Variants in LTBP1 observed in about 807,000 individuals in gnomAD.
The protein encoded by LTBP1 is latent transforming growth factor beta binding protein 1.
A neutral mutation model predicts 207.6 loss-of-function variants in LTBP1; 129 were observed. The observed-to-expected ratio is 0.62, with a 90% confidence interval of 0.54 to 0.72. LTBP1 has a LOEUF of 0.72. Among genes scored for constraint, LTBP1 ranks in the 30% least tolerant of loss-of-function variants. The probability of loss-of-function intolerance (pLI) is 0.00; values close to 1 mark genes in which losing one functional copy is unlikely to be tolerated. For synonymous variants in LTBP1, 963 were observed against 833.7 expected (o/e 1.16, Z -2.67); for missense variants, 2,281 against 2,217.2 (o/e 1.03, Z -0.58).
chr2:33,300,479 A>T lies in LTBP1; in HGVS notation c.3264A>T (p.Leu1088=). The T allele has an allele frequency of 6.2e-7, 1 of 1,613,588 alleles. No homozygotes were observed. The highest frequency in any genetic ancestry group is 2.2e-5 in the East Asian group (1 of 44,840). The part of the protein sequence containing the change: ...RDIDECQQGN[L]CVNGQCKNTE... ...TTGATGAATGTCAGCAAGGGAATCT[A>T]TGTGTAAACGGGCAGTGCAAAAATA... Residue 1088 remains leucine (L), a synonymous_variant, in exon 21 of 34, where the codon CTA becomes CTT. Coordinates refer to ENST00000404816, the MANE Select transcript of LTBP1 (RefSeq NM_206943.4).
intron 5 of LTBP1, among the ~76,000 whole-genome samples, chr2:33,155,919 A>C (rs989996757): frequency 5.9e-5 from 9 of 152,226 alleles, no homozygotes; most frequent in Admixed American, 3.9e-4. Context: ...CAGCTGTGAT[A>C]CTTCCCTTCA....
At chr2:33,369,788 A>G (rs143082614) in intron 31 of LTBP1, among the ~76,000 whole-genome samples, 1 of 152,318 alleles carries the variant, frequency 6.6e-6, no homozygotes, top group Non-Finnish European at 1.5e-5. Context: ...CTTATGGATC[A>G]TCTATTCTGA....
At chr2:33,077,092 A>T (rs1440205609) in intron 3 of LTBP1, among the ~76,000 whole-genome samples, 2 of 152,182 alleles carry the variant, frequency 1.3e-5, no homozygotes, top group Non-Finnish European at 2.9e-5. Context: ...CTAAAAGAGG[A>T]CACTGTCAGA....
chr2:33,035,883 A>G (rs114960227), intron 3 of LTBP1, among the ~76,000 whole-genome samples: 1 of 152,258 alleles, frequency 6.6e-6, no homozygotes, highest in Non-Finnish European at 1.5e-5. Flanking sequence ...AGCTGAAGAA[A>G]TAAAAACACT....
intron 4 of LTBP1, among the ~76,000 whole-genome samples, chr2:33,133,236 T>C (rs1203325008): frequency 1.3e-5 from 2 of 152,216 alleles, no homozygotes; most frequent in South Asian, 2.1e-4. Context: ...GAGGGTCTTA[T>C]AGAGGCATCT....
chr2:33,093,817 A>G (rs1281951034), intron 3 of LTBP1, among the ~76,000 whole-genome samples: 1 of 151,918 alleles, frequency 6.6e-6, no homozygotes, highest in Admixed American at 6.6e-5. Flanking sequence ...GATGATTATC[A>G]TCATCATCAT....
chr2:33,086,103 C>T (rs552363025), intron 3 of LTBP1, among the ~76,000 whole-genome samples: 16 of 152,314 alleles, frequency 1.1e-4, no homozygotes, highest in Admixed American at 6.5e-4. Context: ...GCTCTAAGTG[C>T]TGTATGTGTA....
chr2:33,109,560 A>G (rs572446498), intron 3 of LTBP1, among the ~76,000 whole-genome samples: 1 of 152,346 alleles, frequency 6.6e-6, no homozygotes, highest in African/African-American at 2.4e-5. Context: ...GAGAATTGTC[A>G]CAGAAAACAA....
At chr2:33,053,944 G>T (rs745553859) in intron 3 of LTBP1, among the ~76,000 whole-genome samples, 4 of 152,208 alleles carry the variant, frequency 2.6e-5, no homozygotes, top group Non-Finnish European at 4.4e-5. Flanking sequence ...GCCAGTGCCT[G>T]ACCAAATAAC....
intron 19 of LTBP1, among the ~76,000 whole-genome samples, chr2:33,285,035 C>CT (rs934497674): frequency 0.045 from 5,351 of 120,096 alleles, 253 homozygotes; most frequent in East Asian, 0.17. Flanking sequence ...GTATCACATT[C>CT]TTTTTTTTTT....
intron 7 of LTBP1, among the ~76,000 whole-genome samples, chr2:33,202,787 C>T (rs1394663997): frequency 6.6e-6 from 1 of 152,218 alleles, no homozygotes; most frequent in Non-Finnish European, 1.5e-5. Context: ...GGATAGGGCC[C>T]TCCCAGGTGA....
chr2:33,080,465 A>G (rs918732814), intron 3 of LTBP1, among the ~76,000 whole-genome samples: 1 of 152,144 alleles, frequency 6.6e-6, no homozygotes, highest in Admixed American at 6.5e-5. Context: ...TTCTTTTTAT[A>G]ATATCTGTGT....
intron 5 of LTBP1, among the ~76,000 whole-genome samples, chr2:33,176,940 G>A (rs1468782582): frequency 6.6e-6 from 1 of 152,164 alleles, no homozygotes; most frequent in Non-Finnish European, 1.5e-5. Flanking sequence ...CCTGCTATGT[G>A]CTGAGTTCTG....
At chr2:33,346,881 C>T (rs547485279) in intron 25 of LTBP1, among the ~76,000 whole-genome samples, 56 of 152,116 alleles carry the variant, frequency 3.7e-4, no homozygotes, top group African/African-American at 1.3e-3. Flanking sequence ...CTTTTGGAGG[C>T]CGAGGTGGGC....
At position 33,259,572 on chromosome 2, in the gene LTBP1, T is replaced by C; in HGVS notation, c.2396-16T>C. The C allele has an allele frequency of 6.3e-7, 1 of 1,597,818 alleles. No individual in the cohort carries two copies. Among genetic ancestry groups the C allele is most frequent in the Non-Finnish European group, 8.5e-7 (1 of 1,171,936 alleles). The stretch of plus-strand genomic sequence containing the variant: ...TCTTAAATGGTACTAATACCCTTTT[T>C]CTTTTCTGGTTTTAGTGGCAACTGC... On this transcript the variant is annotated splice_polypyrimidine_tract_variant and intron_variant, in intron 12 of 33. Transcript: ENST00000404816.
At chr2:33,254,139 C>T (rs2092762040) in intron 11 of LTBP1, among the ~76,000 whole-genome samples, 1 of 151,888 alleles carries the variant, frequency 6.6e-6, no homozygotes, top group African/African-American at 2.4e-5. Context: ...GCCTCAGCCT[C>T]CCAAAGTGCT....
chr2:32,981,213 G>C (rs1682715086), intron 2 of LTBP1, among the ~76,000 whole-genome samples: 1 of 152,080 alleles, frequency 6.6e-6, no homozygotes. Context: ...GTAACTCTTA[G>C]ATTTGCCCCA....
intron 2 of LTBP1, among the ~76,000 whole-genome samples, chr2:33,019,328 CTTTTTTTTTT>C (rs58570641): frequency 5.7e-5 from 5 of 87,672 alleles, no homozygotes; most frequent in Admixed American, 1.4e-4. Flanking sequence ...ATGTACACTT[CTTTTTTTTTT>C]TTTTTTTTTT....
At chr2:33,148,539 C>A (rs908938152) in intron 5 of LTBP1, among the ~76,000 whole-genome samples, 3 of 152,154 alleles carry the variant, frequency 2.0e-5, no homozygotes, top group Non-Finnish European at 1.5e-5. Context: ...TTCTGTGTGT[C>A]ATCAAAACCT....
Sources: gnomAD v4.1 joint callset for allele counts (sites outside exome capture counted in the v4.1 genomes callset) on GRCh38, gnomAD v4.1.1 for gene constraint, MANE v1.5 for transcripts, NCBI Gene and HGNC (gene_info 2026-07-23, HGNC 2026-07-21) for gene names.